Variants in BACH2 observed in about 807,000 individuals in gnomAD.
The protein encoded by BACH2 is transcription regulator protein BACH2.
In BACH2, 5 loss-of-function variants were observed where a neutral mutation model predicts 61.8. The observed-to-expected ratio is 0.08, with a 90% CI of 0.04 to 0.17. BACH2 has a LOEUF of 0.17. Ranked by LOEUF, BACH2 falls within the 10% of genes least tolerant of loss-of-function variation. The pLI, the probability that BACH2 is intolerant of heterozygous loss-of-function variation, is 1.00. For missense variants in BACH2, 824 were observed against 1,091.1 expected (o/e 0.76, Z 3.45); for synonymous variants, 446 against 440.1 (o/e 1.01, Z -0.17).
intron 3 of BACH2, among the ~76,000 whole-genome samples, chr6:90,217,686 G>C (rs945835425): frequency 6.6e-6 from 1 of 152,064 alleles, no homozygotes; most frequent in African/African-American, 2.4e-5. Flanking sequence ...TCCAAACAAA[G>C]CTAATGCATG....
Position 90,219,241 on chromosome 6 carries a change from T to C in BACH2, c.-274-12560A>G, listed in dbSNP as rs1460034706. The stretch of plus-strand genomic sequence containing the variant: ...CTGCAGTGGGTATTAAGCACTTAGG[T>C]TGGCAATGTAATGACACACTGTAAC... On this transcript the variant is annotated intron_variant, in intron 3 of 8. Transcript: ENST00000257749. Among the ~76,000 whole-genome samples, 4 of 152,256 alleles carry C rather than the reference T, an allele frequency of 2.6e-5. No homozygotes were observed. The East Asian group carries it at 5.8e-4, about 22-fold the overall frequency.
At chr6:89,989,907 T>C (rs892182565) in intron 6 of BACH2, among the ~76,000 whole-genome samples, 4 of 152,188 alleles carry the variant, frequency 2.6e-5, no homozygotes, top group Admixed American at 2.0e-4. Flanking sequence ...ATGCTTAGAA[T>C]GTGTGTCCCT....
chr6:89,954,842 G>T (rs879714663), intron 6 of BACH2, among the ~76,000 whole-genome samples: 1 of 152,182 alleles, frequency 6.6e-6, no homozygotes, highest in African/African-American at 2.4e-5. Flanking sequence ...ATATGGTCAT[G>T]AAAGAGTCAT....
chr6:90,284,732 A>AT (rs1771965789), intron 1 of BACH2, among the ~76,000 whole-genome samples: 1 of 152,078 alleles, frequency 6.6e-6, no homozygotes, highest in South Asian at 2.1e-4. Context: ...AAATCAAGAG[A>AT]TTAAAAAAAA....
chr6:89,933,213 A>G (rs1295285980), intron 8 of BACH2, among the ~76,000 whole-genome samples: 1 of 152,204 alleles, frequency 6.6e-6, no homozygotes, highest in Non-Finnish European at 1.5e-5. Context: ...TGGGGTTTGT[A>G]GAGAGTTAAA....
At chr6:89,991,255 CA>C (rs1776532586) in intron 6 of BACH2, among the ~76,000 whole-genome samples, 1 of 152,158 alleles carries the variant, frequency 6.6e-6, no homozygotes, top group South Asian at 2.1e-4. Flanking sequence ...AATCAAAATC[CA>C]TTATTTATTT....
chr6:90,176,273 T>C (rs183304695), intron 4 of BACH2, among the ~76,000 whole-genome samples: 16 of 152,270 alleles, frequency 1.1e-4, no homozygotes, highest in Admixed American at 3.9e-4. Context: ...TCTCCAGGAA[T>C]GACAATTCTG....
intron 5 of BACH2, among the ~76,000 whole-genome samples, chr6:90,037,320 G>A (rs775362048): frequency 8.5e-5 from 13 of 152,158 alleles, no homozygotes; most frequent in Non-Finnish European, 1.3e-4. Flanking sequence ...CAATATCATC[G>A]CTTTATGATG....
chr6:89,944,605 G>C (rs1034497280), intron 7 of BACH2, among the ~76,000 whole-genome samples: 7 of 152,130 alleles, frequency 4.6e-5, no homozygotes, highest in Admixed American at 6.5e-5. Context: ...ATTGGGGTGG[G>C]AAGAGTTAGA....
chr6:90,138,579 G>A (rs554384661), intron 4 of BACH2, among the ~76,000 whole-genome samples: 20 of 152,058 alleles, frequency 1.3e-4, no homozygotes, highest in African/African-American at 4.3e-4. Flanking sequence ...ATCCATGTAA[G>A]TCTTCTCCTT....
At chr6:90,167,523 A>AT (rs1193287095) in intron 4 of BACH2, among the ~76,000 whole-genome samples, 3 of 152,020 alleles carry the variant, frequency 2.0e-5, no homozygotes, top group Non-Finnish European at 4.4e-5. Flanking sequence ...TGCCCAGGTA[A>AT]TTTTTTATAT....
At chr6:90,022,310 G>A (rs1010599427) in intron 5 of BACH2, among the ~76,000 whole-genome samples, 1 of 152,162 alleles carries the variant, frequency 6.6e-6, no homozygotes, top group Non-Finnish European at 1.5e-5. Context: ...TCGGTCAGGC[G>A]CGGTGGCTCA....
intron 6 of BACH2, among the ~76,000 whole-genome samples, chr6:89,971,279 A>C (rs1204571767): frequency 6.6e-6 from 1 of 152,212 alleles, no homozygotes; most frequent in Non-Finnish European, 1.5e-5. Context: ...GCTGAGAACA[A>C]GGTAATGACA....
chr6:90,069,325 C>T (rs1244361130), intron 5 of BACH2, among the ~76,000 whole-genome samples: 3 of 152,276 alleles, frequency 2.0e-5, no homozygotes, highest in East Asian at 3.9e-4. Context: ...GAAATTTATC[C>T]TCCCCTTCCC....
At chr6:90,231,511 T>C (rs573529179) in intron 3 of BACH2, among the ~76,000 whole-genome samples, 1 of 152,328 alleles carries the variant, frequency 6.6e-6, no homozygotes, top group Admixed American at 6.5e-5. Context: ...CCAGTGACCC[T>C]GGGCCAGAGC....
At chr6:90,149,822 A>G (rs1474818945) in intron 4 of BACH2, among the ~76,000 whole-genome samples, 2 of 152,330 alleles carry the variant, frequency 1.3e-5, no homozygotes, top group Non-Finnish European at 2.9e-5. Context: ...TTGAACTGCC[A>G]GAAGTCCTTA....
intron 4 of BACH2, among the ~76,000 whole-genome samples, chr6:90,200,358 C>T (rs1340005111): frequency 6.6e-6 from 1 of 152,020 alleles, no homozygotes; most frequent in Admixed American, 6.6e-5. Context: ...GGCACAGTAC[C>T]GAGTAAGAGG....
At chr6:90,053,867 A>C (rs1780178200) in intron 5 of BACH2, among the ~76,000 whole-genome samples, 2 of 152,286 alleles carry the variant, frequency 1.3e-5, no homozygotes, top group South Asian at 4.1e-4. Context: ...TCAGTGATTC[A>C]CAGTTTTACT....
chr6:90,156,784 C>G (rs1013026712), intron 4 of BACH2, among the ~76,000 whole-genome samples: 1 of 152,078 alleles, frequency 6.6e-6, no homozygotes, highest in African/African-American at 2.4e-5. Flanking sequence ...TGAAACAACA[C>G]GGAGTAACTC....
Sources: gnomAD v4.1 joint callset for allele counts (sites outside exome capture counted in the v4.1 genomes callset) on GRCh38, gnomAD v4.1.1 for gene constraint, MANE v1.5 for transcripts, NCBI Gene and HGNC (gene_info 2026-07-23, HGNC 2026-07-21) for gene names.